Variants in IL1RAPL2 observed in about 807,000 individuals in gnomAD.
IL1RAPL2 encodes the protein X-linked interleukin-1 receptor accessory protein-like 2.
IL1RAPL2 carries 3 observed loss-of-function variants against 44.1 expected under a neutral mutation model. That is an observed-to-expected ratio of 0.07 (90% CI 0.03 to 0.18). The LOEUF (loss-of-function observed/expected upper bound fraction) is 0.18. IL1RAPL2 is among the 10% of genes least tolerant of loss of function. IL1RAPL2 has a pLI of 1.00. For synonymous variants in IL1RAPL2, 181 were observed against 178.8 expected, an observed-to-expected ratio of 1.01 and a Z score of -0.10; for missense variants, 391 against 496.4, an observed-to-expected ratio of 0.79 and a Z score of 2.02.
At chrX:105,765,289 A>G (rs943659330) in intron 10 of IL1RAPL2, 4 of 111,855 alleles carry the variant, frequency 3.6e-5, no homozygotes, top group African/African-American at 1.3e-4. Flanking sequence ...TTGGGAAAAT[A>G]TTTTTCCACT....
intron 3 of IL1RAPL2, among the ~76,000 whole-genome samples, chrX:105,205,416 CCT>C (rs2033752710): frequency 9.5e-6 from 1 of 105,201 alleles, no homozygotes. Flanking sequence ...TGGTGTAACC[CCT>C]GTCTCTACTA....
chrX:105,375,049 A>G (rs1297400178), intron 5 of IL1RAPL2, among the ~76,000 whole-genome samples: 1 of 110,068 alleles, frequency 9.1e-6, no homozygotes, highest in East Asian at 2.8e-4. Context: ...AAGGTTTTCT[A>G]GATATAAAAT....
At chrX:105,183,231 C>T (rs1381360622) in intron 2 of IL1RAPL2, among the ~76,000 whole-genome samples, 9 of 110,814 alleles carry the variant, frequency 8.1e-5, no homozygotes, top group South Asian at 7.8e-4. Flanking sequence ...GTAGGATGGG[C>T]GGTGGGGAGT....
intron 2 of IL1RAPL2, among the ~76,000 whole-genome samples, chrX:105,006,598 C>T (rs1318796567): frequency 1.8e-5 from 2 of 110,846 alleles, no homozygotes; most frequent in Non-Finnish European, 3.8e-5. Context: ...CTGAGCTCTA[C>T]TGAAGAAATC....
intron 6 of IL1RAPL2, chrX:105,676,235 C>T (rs377655290): frequency 1.8e-4 from 20 of 112,038 alleles, no homozygotes; most frequent in African/African-American, 6.2e-4. Flanking sequence ...CTGGGTACCT[C>T]TTCCACTGGT....
chrX:104,753,636 C>G (rs1034044694), intron 2 of IL1RAPL2, among the ~76,000 whole-genome samples: 1 of 111,441 alleles, frequency 9.0e-6, no homozygotes, highest in Non-Finnish European at 1.9e-5. Context: ...GGTAAGTTTT[C>G]CTGAAGACTC....
At chrX:104,864,366 G>A (rs967489971) in intron 2 of IL1RAPL2, among the ~76,000 whole-genome samples, 9 of 112,050 alleles carry the variant, frequency 8.0e-5, no homozygotes, top group African/African-American at 2.3e-4. Flanking sequence ...TATGTTTCTC[G>A]AACATATCCT....
chrX:105,192,992 A>G (rs1347415473), intron 2 of IL1RAPL2, among the ~76,000 whole-genome samples: 1 of 111,840 alleles, frequency 8.9e-6, no homozygotes, highest in Non-Finnish European at 1.9e-5. Flanking sequence ...TGATAAAACT[A>G]ATTGTAATGG....
At chrX:105,051,856 A>C (rs1041430774) in intron 2 of IL1RAPL2, among the ~76,000 whole-genome samples, 3 of 112,353 alleles carry the variant, frequency 2.7e-5, no homozygotes, top group African/African-American at 9.7e-5. Context: ...AACATACACC[A>C]GGGCCTGTTG....
intron 4 of IL1RAPL2, among the ~76,000 whole-genome samples, chrX:105,263,570 A>G (rs1236834407): frequency 8.9e-6 from 1 of 111,806 alleles, no homozygotes; most frequent in Admixed American, 9.5e-5. Context: ...GTAGCTGGCA[A>G]CAGGTTACTT....
intron 6 of IL1RAPL2, among the ~76,000 whole-genome samples, chrX:105,638,208 T>C (rs5916936): frequency 0.34 from 37,469 of 110,941 alleles, 4,736 homozygotes; most frequent in Middle Eastern, 0.41. Context: ...AGCTACAACA[T>C]TGAGACTGGC....
chrX:104,891,721 A>G (rs191541578), intron 2 of IL1RAPL2, among the ~76,000 whole-genome samples: 40 of 111,867 alleles, frequency 3.6e-4, no homozygotes, highest in Non-Finnish European at 6.2e-4. Flanking sequence ...TTCTAAATAT[A>G]CAATCATATC....
intron 6 of IL1RAPL2, among the ~76,000 whole-genome samples, chrX:105,523,835 T>C (rs897589188): frequency 9.9e-5 from 11 of 111,285 alleles, no homozygotes; most frequent in Non-Finnish European, 1.1e-4. Flanking sequence ...GATGGATATG[T>C]AATGCATAAG....
intron 2 of IL1RAPL2, among the ~76,000 whole-genome samples, chrX:104,795,800 A>T (rs1932846705): frequency 8.9e-6 from 1 of 112,088 alleles, no homozygotes; most frequent in East Asian, 2.8e-4. Flanking sequence ...TAAATCCTTG[A>T]CTTTCCAGAC....
chrX:105,544,120 A>G (rs184850592), intron 6 of IL1RAPL2, among the ~76,000 whole-genome samples: 2 of 111,684 alleles, frequency 1.8e-5, no homozygotes, highest in African/African-American at 6.5e-5. Flanking sequence ...TTTCTAAGTC[A>G]TGTACTACTT....
At chrX:104,789,249 G>A (rs776706751) in intron 2 of IL1RAPL2, among the ~76,000 whole-genome samples, 1 of 111,854 alleles carries the variant, frequency 8.9e-6, no homozygotes, top group South Asian at 3.7e-4. Flanking sequence ...CCATTGTAGT[G>A]AGCATAGTAT....
chrX:105,347,112 T>C (rs997464243), intron 5 of IL1RAPL2, among the ~76,000 whole-genome samples: 1 of 112,107 alleles, frequency 8.9e-6, no homozygotes, highest in African/African-American at 3.2e-5. Flanking sequence ...ATATCAGTCA[T>C]TTTATTCCTC....
At chrX:104,826,511 C>T (rs1316542009) in intron 2 of IL1RAPL2, among the ~76,000 whole-genome samples, 9 of 111,072 alleles carry the variant, frequency 8.1e-5, no homozygotes, top group Admixed American at 2.9e-4. Flanking sequence ...TTTGCATTTG[C>T]GAGGAGTGTT....
Position 105,766,181 on chromosome X carries a change from ATACT to A in IL1RAPL2, c.1364-781_1364-778del, listed in dbSNP as rs199818494. Among the ~76,000 whole-genome samples, 549 of 112,148 alleles carry A rather than the reference ATACT, an allele frequency of 4.9e-3. 4 individuals carry two copies. Among genetic ancestry groups the A allele is most frequent in the African/African-American group, 0.017 (516 of 30,854 alleles). ...AGAATTGCTCCACAAAGTAGGGCAAATACTTTCTTTTCAGTTGGTAGACTCCTTC... is the reference window on the plus strand; with the variant it reads ...AGAATTGCTCCACAAAGTAGGGCAAATTCTTTTCAGTTGGTAGACTCCTTC... On this transcript the variant is annotated intron_variant, in intron 10 of 10. Transcript: ENST00000372582.
Sources: gnomAD v4.1 joint callset for allele counts (sites outside exome capture counted in the v4.1 genomes callset) on GRCh38, gnomAD v4.1.1 for gene constraint, MANE v1.5 for transcripts, NCBI Gene and HGNC (gene_info 2026-07-23, HGNC 2026-07-21) for gene names.